Variants in TNS3 observed in about 807,000 individuals in gnomAD.
The protein encoded by TNS3 is tensin 3, also known as tensin-3.
A neutral mutation model predicts 140.9 loss-of-function variants in TNS3; 45 were observed. The ratio of observed to expected loss-of-function variants is 0.32; its 90% CI spans 0.25 to 0.41. TNS3 has a LOEUF of 0.41. TNS3 is among the 10% of genes least tolerant of loss of function. The pLI is 1.00. For missense variants in TNS3, 1,716 were observed against 1,906.7 expected (o/e 0.90, Z 1.86); for synonymous variants, 815 against 788.4 (o/e 1.03, Z -0.56).
chr7:47,465,461 G>A (rs970005075), intron 4 of TNS3, among the ~76,000 whole-genome samples: 1 of 152,166 alleles, frequency 6.6e-6, no homozygotes, highest in Non-Finnish European at 1.5e-5. Context: ...ATGCCCCTGT[G>A]AAGTAGAGAC....
At chr7:47,459,313 C>A (rs1032351628) in intron 4 of TNS3, among the ~76,000 whole-genome samples, 1 of 152,204 alleles carries the variant, frequency 6.6e-6, no homozygotes, top group Non-Finnish European at 1.5e-5. Context: ...GGACCACATG[C>A]ATCATCCCAG....
At chr7:47,488,732 C>T (rs536053466) in intron 3 of TNS3, among the ~76,000 whole-genome samples, 1 of 152,114 alleles carries the variant, frequency 6.6e-6, no homozygotes, top group African/African-American at 2.4e-5. Context: ...TCTGACAGGA[C>T]GGGTGGAGAC....
intron 20 of TNS3, among the ~76,000 whole-genome samples, chr7:47,342,053 C>A (rs1789049277): frequency 6.6e-6 from 1 of 152,014 alleles, no homozygotes; most frequent in Admixed American, 6.6e-5. Flanking sequence ...TCTAGTGAGT[C>A]CATTGTGGTT....
chr7:47,451,681 C>T (rs1179069163), intron 4 of TNS3, among the ~76,000 whole-genome samples: 2 of 152,206 alleles, frequency 1.3e-5, no homozygotes, highest in Admixed American at 6.5e-5. Flanking sequence ...TCACAGCTGC[C>T]GGGCCATGTG....
intron 17 of TNS3, among the ~76,000 whole-genome samples, chr7:47,351,961 C>G (rs1789700069): frequency 6.6e-6 from 1 of 152,110 alleles, no homozygotes; most frequent in Non-Finnish European, 1.5e-5. Context: ...CACTTTTTCA[C>G]ACCCACACAC....
Position 47,465,134 on chromosome 7 carries a change from T to C in TNS3, c.-76+15969A>G, listed in dbSNP as rs1189789660. Among the ~76,000 whole-genome samples, 3 of 152,228 alleles carry C rather than the reference T, an allele frequency of 2.0e-5. No individual in the cohort carries two copies. In the East Asian group the frequency reaches 5.8e-4, roughly 29 times the overall value. ...TTCAGAATGATTTCTTTAAAGGCTT[T>C]ATGAAGCAAGTGTTACTATTTTACA... On this transcript the variant is annotated intron_variant, in intron 4 of 30. Transcript: ENST00000311160.
At chr7:47,567,810 G>C (rs998613320) in intron 1 of TNS3, among the ~76,000 whole-genome samples, 1 of 151,904 alleles carries the variant, frequency 6.6e-6, no homozygotes, top group African/African-American at 2.4e-5. Context: ...TAACTGAAAA[G>C]ATATATCATG....
chr7:47,307,929 A>G (rs1351570387), intron 20 of TNS3, among the ~76,000 whole-genome samples: 1 of 152,224 alleles, frequency 6.6e-6, no homozygotes, highest in Non-Finnish European at 1.5e-5. Context: ...AATCTTTTGA[A>G]GAACAAAATC....
At chr7:47,389,002 G>GGAAGAAGAA (rs1175410885) in intron 16 of TNS3, among the ~76,000 whole-genome samples, 17 of 6,646 alleles carry the variant, frequency 2.6e-3, no homozygotes, top group Admixed American at 2.8e-3. Context: ...AGAAGAAGAA[G>GGAAGAAGAA]GAAGAAGAAG....
At chr7:47,488,508 C>T (rs1339606636) in intron 3 of TNS3, among the ~76,000 whole-genome samples, 1 of 152,192 alleles carries the variant, frequency 6.6e-6, no homozygotes, top group African/African-American at 2.4e-5. Context: ...CGTGTCCTCA[C>T]GTGGCCATTC....
In TNS3 at chr7:47,303,567, C is replaced by G; in HGVS notation, c.2840G>C (p.Arg947Pro). 6.3e-7 allele frequency: 1 copy of G among 1,595,838 alleles called. No individual in the cohort carries two copies. Among genetic ancestry groups the G allele is most frequent in the Non-Finnish European group, 8.5e-7 (1 of 1,175,918 alleles). The change falls in exon 22 of 31, where the codon CGC becomes CCC. Residue 947 changes from arginine to proline, a missense_variant. Arg to Pro is a moderately radical substitution (Grantham distance 103). This residue lies in a region of TNS3 where 1,163 missense variants were observed against 1,182.1 expected (regional missense o/e 0.98). Coordinates refer to ENST00000311160, the MANE Select transcript of TNS3 (RefSeq NM_022748.12). ...QRRESSSSAERQWVESSPKPM... is the reference protein window; with the variant it reads ...QRRESSSSAEPQWVESSPKPM... ...CTTGGGGCTGCTCTCCACCCACTGGCGTTCTGCAGAAGAGGAGCTGTTCAA... is the reference window on the plus strand; with the variant it reads ...CTTGGGGCTGCTCTCCACCCACTGGGGTTCTGCAGAAGAGGAGCTGTTCAA...
At position 47,348,189 on chromosome 7, in the gene TNS3, G is replaced by A. The variant is rs1259923801; in HGVS notation, c.2282-1833C>T. 5.9e-5 allele frequency among the ~76,000 whole-genome samples: 9 copies of A among 152,260 alleles called. No individual in the cohort carries two copies. In the East Asian group the frequency reaches 1.5e-3, roughly 26 times the overall value. On this transcript the variant is annotated intron_variant, in intron 17 of 30. Transcript: ENST00000311160. ...GCACCACCTGGTACTCAGCTCAGACGTGGAGTTTGTTCCTGAAGCAGTCAA... is the reference window on the plus strand; with the variant it reads ...GCACCACCTGGTACTCAGCTCAGACATGGAGTTTGTTCCTGAAGCAGTCAA...
At chr7:47,361,033 T>TTCCC (rs1050148323) in intron 17 of TNS3, among the ~76,000 whole-genome samples, 1 of 151,480 alleles carries the variant, frequency 6.6e-6, no homozygotes, top group African/African-American at 2.4e-5. Context: ...ACTTGCTTAC[T>TTCCC]TCCCTCCCTC....
At position 47,455,573 on chromosome 7, in the gene TNS3, T is replaced by C. The variant is rs573716131; in HGVS notation, c.-75-13518A>G. Among the ~76,000 whole-genome samples, 49 of 152,248 alleles carry C rather than the reference T, an allele frequency of 3.2e-4. No individual in the cohort carries two copies. In the South Asian group the frequency reaches 7.7e-3, roughly 24 times the overall value. On this transcript the variant is annotated intron_variant, in intron 4 of 30. Coordinates refer to ENST00000311160, the MANE Select transcript of TNS3 (RefSeq NM_022748.12). ...AGGAGGGCTAGCCCATTTCAGGCAC[T>C]GCAGGGAGAATGCAGGTGTGACAGA...
At chr7:47,417,643 A>G (rs1186209336) in intron 10 of TNS3, among the ~76,000 whole-genome samples, 1 of 152,240 alleles carries the variant, frequency 6.6e-6, no homozygotes, top group Non-Finnish European at 1.5e-5. Flanking sequence ...CCTTTATAGA[A>G]AACAACTTTT....
chr7:47,501,220 GAAA>G (rs1798212525), intron 3 of TNS3, among the ~76,000 whole-genome samples: 1 of 150,618 alleles, frequency 6.6e-6, no homozygotes, highest in Admixed American at 6.6e-5. Context: ...GAGGGAGGGA[GAAA>G]GGAAGAGAGA....
chr7:47,375,690 G>C (rs75086169), intron 16 of TNS3, among the ~76,000 whole-genome samples: 4 of 152,296 alleles, frequency 2.6e-5, no homozygotes, highest in African/African-American at 9.6e-5. Flanking sequence ...CTTCCATCCC[G>C]GTTGAAAACA....
chr7:47,571,247 C>T (rs1278644853), intron 1 of TNS3, among the ~76,000 whole-genome samples: 1 of 152,240 alleles, frequency 6.6e-6, no homozygotes, highest in Non-Finnish European at 1.5e-5. Context: ...CTACTCCTAA[C>T]AGCTCAGTGA....
intron 16 of TNS3, among the ~76,000 whole-genome samples, chr7:47,377,479 G>A (rs959038438): frequency 6.6e-6 from 1 of 152,276 alleles, no homozygotes; most frequent in Admixed American, 6.5e-5. Flanking sequence ...GGGATGGTTT[G>A]GGCAATAGAA....
Sources: allele counts gnomAD v4.1 joint callset (sites outside exome capture counted in the v4.1 genomes callset), GRCh38; gene constraint gnomAD v4.1.1; regional missense constraint gnomAD v4.1.1; transcripts MANE v1.5; gene names NCBI Gene and HGNC (gene_info 2026-07-23, HGNC 2026-07-21).